The following CEMIP variants were observed in gnomAD, a reference collection of about 807,000 sequenced individuals.
CEMIP encodes the protein cell migration inducing hyaluronidase 1.
Under a neutral mutation model 156.9 loss-of-function variants are expected in CEMIP, and 105 were observed. That is an observed-to-expected ratio of 0.67 (90% CI 0.57 to 0.79). CEMIP has a LOEUF of 0.79. CEMIP is among the 30% of genes least tolerant of loss of function. The pLI is 0.00. For missense variants in CEMIP, 1,457 were observed against 1,769.4 expected, an observed-to-expected ratio of 0.82 and a Z score of 3.17; for synonymous variants, 676 against 668.4, an observed-to-expected ratio of 1.01 and a Z score of -0.17.
intron 1 of CEMIP, among the ~76,000 whole-genome samples, chr15:80,820,721 T>G (rs115231088): frequency 0.021 from 3,150 of 152,332 alleles, 72 homozygotes; most frequent in African/African-American, 0.058. Context: ...ACTAGGTAAC[T>G]GTAGTTAAGT....
intron 1 of CEMIP, among the ~76,000 whole-genome samples, chr15:80,871,759 T>C (rs933241846): frequency 2.0e-5 from 3 of 152,224 alleles, no homozygotes; most frequent in Non-Finnish European, 4.4e-5. Context: ...GGTTCTGGCT[T>C]TTCCATGAGG....
intron 1 of CEMIP, among the ~76,000 whole-genome samples, chr15:80,848,515 A>T (rs913921987): frequency 1.3e-5 from 2 of 151,828 alleles, no homozygotes; most frequent in African/African-American, 4.8e-5. Flanking sequence ...TTCTTCTTGA[A>T]CTCATGCAGT....
At chr15:80,827,631 C>A (rs1897068639) in intron 1 of CEMIP, among the ~76,000 whole-genome samples, 1 of 152,026 alleles carries the variant, frequency 6.6e-6, no homozygotes, top group Non-Finnish European at 1.5e-5. Flanking sequence ...AAACAAACAA[C>A]AACAACAAAA....
At chr15:80,901,702 CAA>C (rs35218666) in intron 12 of CEMIP, among the ~76,000 whole-genome samples, 2,144 of 136,590 alleles carry the variant, frequency 0.016, 46 homozygotes, top group African/African-American at 0.051. Context: ...GACTTTGTCT[CAA>C]AAAAAAAAAA....
intron 1 of CEMIP, among the ~76,000 whole-genome samples, chr15:80,862,586 C>T (rs2141771419): frequency 6.6e-6 from 1 of 152,322 alleles, no homozygotes; most frequent in African/African-American, 2.4e-5. Flanking sequence ...GACTCTCCCT[C>T]TCCATGCAGA....
chr15:80,814,295 C>A (rs192928015), intron 1 of CEMIP, among the ~76,000 whole-genome samples: 2 of 151,874 alleles, frequency 1.3e-5, no homozygotes, highest in Non-Finnish European at 2.9e-5. Context: ...GTGATCCACC[C>A]GCCTTGGCCT....
At chr15:80,897,138 A>T in intron 12 of CEMIP, 2 of 350,158 alleles carry the variant, frequency 5.7e-6, no homozygotes, top group South Asian at 2.3e-5. Flanking sequence ...GGGGAATCAG[A>T]ACTTAAGAGG....
At chr15:80,893,238 ATTAG>A (rs938500755) in intron 10 of CEMIP, among the ~76,000 whole-genome samples, 39 of 152,192 alleles carry the variant, frequency 2.6e-4, no homozygotes, top group African/African-American at 5.8e-4. Context: ...TAAATTTACT[ATTAG>A]TTATTATATT....
At chr15:80,936,200 A>G (rs886538679) in intron 23 of CEMIP, among the ~76,000 whole-genome samples, 8 of 152,262 alleles carry the variant, frequency 5.3e-5, no homozygotes, top group African/African-American at 1.9e-4. Flanking sequence ...GGGGCCAGAC[A>G]CTGAGAGGGA....
chr15:80,901,015 T>A (rs1203321004), intron 12 of CEMIP: 1 of 451,300 alleles, frequency 2.2e-6, no homozygotes, highest in Non-Finnish European at 4.4e-6. Context: ...GCATGAATCA[T>A]CTAAAAAAAA....
At chr15:80,874,081 G>A in intron 3 of CEMIP, 108 bp downstream of exon 3, 1 of 1,050,694 alleles carries the variant, frequency 9.5e-7, no homozygotes, top group Non-Finnish European at 1.4e-6. Context: ...CGTGGGAGTG[G>A]GTCAGGGTGC....
intron 17 of CEMIP, among the ~76,000 whole-genome samples, chr15:80,923,716 C>T (rs1270690594): frequency 6.6e-6 from 1 of 152,182 alleles, no homozygotes; most frequent in African/African-American, 2.4e-5. Context: ...CTTGACTCCA[C>T]ATCCACAGTG....
At position 80,929,013 on chromosome 15, in the gene CEMIP, C is replaced by T. The variant is rs2141944406; in HGVS notation, c.2457-6C>T. The T allele has an allele frequency of 6.2e-7, 1 of 1,614,222 alleles. No individual in the cohort carries two copies. Among genetic ancestry groups the T allele is most frequent in the Non-Finnish European group, 8.5e-7 (1 of 1,180,044 alleles). Reference sequence around the variant, plus strand: ...GCATCTCACCTTAAACATCTTCTCTCTACAGTGGTGGAACCTTCCCGTATG... The same window carrying T: ...GCATCTCACCTTAAACATCTTCTCTTTACAGTGGTGGAACCTTCCCGTATG... On this transcript the variant is annotated splice_region_variant and splice_polypyrimidine_tract_variant and intron_variant, in intron 20 of 29. Coordinates refer to ENST00000394685, the MANE Select transcript of CEMIP (RefSeq NM_001293298.2).
chr15:80,900,326 A>AG, intron 12 of CEMIP, among the ~76,000 whole-genome samples: 1 of 151,998 alleles, frequency 6.6e-6, no homozygotes, highest in East Asian at 1.9e-4. Context: ...GACAGAATGC[A>AG]GGGGGGCAGC....
chr15:80,932,344 G>A lies in CEMIP; in HGVS notation c.2793+305G>A, dbSNP rs954116215. 3.3e-5 allele frequency among the ~76,000 whole-genome samples: 5 copies of A among 152,188 alleles called. No homozygotes were observed. Among genetic ancestry groups the A allele is most frequent in the Non-Finnish European group, 7.3e-5 (5 of 68,050 alleles). On this transcript the variant is annotated intron_variant, in intron 22 of 29. Coordinates refer to ENST00000394685, the MANE Select transcript of CEMIP (RefSeq NM_001293298.2). The surrounding 1 kb of genome is among the most constrained non-coding windows in gnomAD (Gnocchi z 4.5). ...CCTAGGCTGTTCCTCCAAGGGACTT[G>A]ACTTTGACAAACTGAGTCTTCTGAC...
At position 80,879,755 on chromosome 15, in the gene CEMIP, T is replaced by A; in HGVS notation, c.281T>A (p.Leu94Ter). ...AAAGACCACGACGAGCCGATTGTTT[T>A]GCGAACCCGGCACATCCTGATTGAC... The part of the protein sequence containing the change: ...VIKDHDEPIV[L>*]RTRHILIDNG... Residue 94 changes from leucine to a stop codon, truncating the protein, a stop_gained, in exon 5 of 30, where the codon TTG (leucine) becomes TAG (stop). Coordinates refer to ENST00000394685, the MANE Select transcript of CEMIP (RefSeq NM_001293298.2). LOFTEE classifies it high-confidence loss of function. 6.2e-7 allele frequency: 1 copy of A among 1,614,232 alleles called. No homozygotes were observed. The highest frequency in any genetic ancestry group is 8.5e-7 in the Non-Finnish European group (1 of 1,180,034).
intron 25 of CEMIP, among the ~76,000 whole-genome samples, chr15:80,939,235 C>G (rs1012433464): frequency 9.2e-5 from 14 of 152,186 alleles, no homozygotes; most frequent in African/African-American, 3.4e-4. Context: ...GGGCCCAGCC[C>G]GAAAACCTCA....
chr15:80,898,179 A>G (rs1054222529), intron 12 of CEMIP, among the ~76,000 whole-genome samples: 11 of 152,234 alleles, frequency 7.2e-5, no homozygotes, highest in Admixed American at 2.0e-4. Flanking sequence ...AGAATAGAAT[A>G]AAGAACATGG....
intron 16 of CEMIP, 99 bp from the exon 17 acceptor site, chr15:80,921,910 C>A: frequency 6.6e-7 from 1 of 1,504,910 alleles, no homozygotes; most frequent in Non-Finnish European, 9.2e-7. Flanking sequence ...ACGGCAGTAG[C>A]TACTAGACCC....
Sources: allele counts gnomAD v4.1 joint callset (sites outside exome capture counted in the v4.1 genomes callset), GRCh38; gene constraint gnomAD v4.1.1; non-coding constraint Gnocchi (gnomAD v3.1); transcripts MANE v1.5; gene names NCBI Gene and HGNC (gene_info 2026-07-23, HGNC 2026-07-21).